The following CCDC195 variants were observed in gnomAD, a reference collection of about 807,000 sequenced individuals.
The protein encoded by CCDC195 is coiled-coil domain containing 195.
Position 224,713,547 on chromosome 2 carries a change from A to G in CCDC195, c.235+2584T>C, listed in dbSNP as rs533426877. The stretch of plus-strand genomic sequence containing the variant: ...CTTATTTTTACATGAGGATGCTAAG[A>G]TCAGAAAGTTTATGTGACCTGCCCA... On this transcript the variant is annotated intron_variant, in intron 1 of 2. Coordinates refer to ENST00000638102, the Ensembl canonical transcript of CCDC195. 2.0e-5 allele frequency among the ~76,000 whole-genome samples: 3 copies of G among 152,294 alleles called. No homozygotes were observed. In the East Asian group the frequency reaches 5.8e-4, roughly 29 times the overall value.
chr2:224,706,923 T>C (rs571611137), intron 2 of CCDC195, among the ~76,000 whole-genome samples: 15 of 152,094 alleles, frequency 9.9e-5, no homozygotes, highest in African/African-American at 3.4e-4. Context: ...ACGCGCACTT[T>C]TTTTTTTAAG....
At position 224,710,223 on chromosome 2, in the gene CCDC195, T is replaced by A; in HGVS notation, c.236-4A>T. ...CGTCTAACAATCATGACATTGCCTG[T>A]ACAAAAGACACAAAATCCAACTTAA... On this transcript the variant is annotated splice_polypyrimidine_tract_variant and splice_region_variant and intron_variant, in intron 1 of 2. Transcript: ENST00000638102. 2.5e-6 allele frequency: 1 copy of A among 398,532 alleles called. No individual in the cohort carries two copies. The highest frequency in any genetic ancestry group is 4.4e-6 in the Non-Finnish European group (1 of 225,998). 24.7% of individuals were successfully genotyped at this position (398,532 alleles called of 1,614,324 possible). A position where few individuals can be genotyped will look rare whatever the true frequency, so the allele number is the denominator to read the frequency against.
chr2:224,712,177 T>C (rs2124853017), intron 1 of CCDC195, among the ~76,000 whole-genome samples: 1 of 152,292 alleles, frequency 6.6e-6, no homozygotes, highest in Non-Finnish European at 1.5e-5. Context: ...CAGTTTCTTA[T>C]TAACAAAAAA....
At chr2:224,704,610 C>CTTTTTTTTT (rs55801561) in intron 2 of CCDC195, among the ~76,000 whole-genome samples, 176 of 110,616 alleles carry the variant, frequency 1.6e-3, no homozygotes, top group East Asian at 2.5e-3. Flanking sequence ...CTTTTCTTTT[C>CTTTTTTTTT]TTTTTTTTTT....
chr2:224,714,531 G>T (rs376334890), intron 1 of CCDC195, among the ~76,000 whole-genome samples: 2 of 152,300 alleles, frequency 1.3e-5, no homozygotes, highest in South Asian at 2.1e-4. Context: ...GGGGAAGTGT[G>T]AGTACTCCAG....
At chr2:224,714,522 G>C (rs1689358276) in intron 1 of CCDC195, among the ~76,000 whole-genome samples, 1 of 152,140 alleles carries the variant, frequency 6.6e-6, no homozygotes, top group Non-Finnish European at 1.5e-5. Flanking sequence ...TAACTGGAAG[G>C]GGAAGTGTGA....
Position 224,715,015 on chromosome 2 carries a change from G to A in CCDC195, c.235+1116C>T, listed in dbSNP as rs551604156. ...AAGATCTCAGCTCACTACAACCTCC[G>A]CCTCCCAGGTTCAAGTGATTCTCCT... On this transcript the variant is annotated intron_variant, in intron 1 of 2. Transcript: ENST00000638102. 5.9e-5 allele frequency among the ~76,000 whole-genome samples: 9 copies of A among 151,898 alleles called. No homozygotes were observed. In the East Asian group the frequency reaches 1.2e-3, roughly 20 times the overall value.
chr2:224,707,732 A>G (rs990584012), intron 2 of CCDC195, among the ~76,000 whole-genome samples: 1 of 152,234 alleles, frequency 6.6e-6, no homozygotes, highest in Non-Finnish European at 1.5e-5. Context: ...CCTGCCCAAC[A>G]TGCAGCACAC....
chr2:224,712,624 C>G (rs116638335), intron 1 of CCDC195, among the ~76,000 whole-genome samples: 11 of 152,138 alleles, frequency 7.2e-5, no homozygotes, highest in African/African-American at 2.4e-4. Context: ...AAGGAACACA[C>G]GGAGGAACTT....
chr2:224,705,703 T>TA (rs568773472), intron 2 of CCDC195, among the ~76,000 whole-genome samples: 3 of 151,930 alleles, frequency 2.0e-5, no homozygotes, highest in Non-Finnish European at 2.9e-5. Context: ...AGGACTACAA[T>TA]AAAAAAAATG....
intron 2 of CCDC195, among the ~76,000 whole-genome samples, chr2:224,706,827 T>C (rs1391041237): frequency 6.6e-6 from 1 of 151,988 alleles, no homozygotes; most frequent in Non-Finnish European, 1.5e-5. Context: ...GTAACTTTTT[T>C]TATGATAAAC....
chr2:224,714,851 A>T lies in CCDC195; in HGVS notation c.235+1280T>A, dbSNP rs1689361731. 2.6e-5 allele frequency among the ~76,000 whole-genome samples: 4 copies of T among 152,214 alleles called. No homozygotes were observed. In the South Asian group the frequency reaches 8.3e-4, roughly 31 times the overall value. ...GCTTTCAAATATAGGGTCTCATTAG[A>T]GAGACACATCTCTAACTGCGAGAAC... On this transcript the variant is annotated intron_variant, in intron 1 of 2. Transcript: ENST00000638102.
chr2:224,704,236 G>A (rs1259938625), intron 2 of CCDC195, among the ~76,000 whole-genome samples: 2 of 152,196 alleles, frequency 1.3e-5, no homozygotes, highest in Non-Finnish European at 2.9e-5. Context: ...ATGAAATGAA[G>A]CAGAAACTTG....
chr2:224,706,189 C>CTTTTTTTATTTTTTTTTT (rs1697238277), intron 2 of CCDC195, among the ~76,000 whole-genome samples: 1 of 33,340 alleles, frequency 3.0e-5, no homozygotes, highest in African/African-American at 1.6e-4. Context: ...TATTTTGTAA[C>CTTTTTTTATTTTTTTTTT]TTTTTTTTTT....
At chr2:224,707,835 C>T (rs1232518069) in intron 2 of CCDC195, among the ~76,000 whole-genome samples, 1 of 152,036 alleles carries the variant, frequency 6.6e-6, no homozygotes, top group African/African-American at 2.4e-5. Context: ...GACATTTGCC[C>T]CTGGGAGGAC....
intron 2 of CCDC195, among the ~76,000 whole-genome samples, chr2:224,708,091 G>T (rs984062839): frequency 2.7e-5 from 4 of 150,648 alleles, no homozygotes; most frequent in Non-Finnish European, 4.4e-5. Context: ...CTGGGCTCAA[G>T]GGATTTGCCC....
chr2:224,709,064 TCTTTCTTTTC>T (rs1465256513), intron 2 of CCDC195, among the ~76,000 whole-genome samples: 2 of 151,146 alleles, frequency 1.3e-5, no homozygotes, highest in African/African-American at 4.9e-5. Flanking sequence ...CTTTTTCTTT[TCTTTCTTTTC>T]CTTTCTTTTG....
chr2:224,711,751 A>T (rs1689321929), intron 1 of CCDC195, among the ~76,000 whole-genome samples: 1 of 152,184 alleles, frequency 6.6e-6, no homozygotes, highest in African/African-American at 2.4e-5. Flanking sequence ...TTCTGGAAAA[A>T]GCAGACAGAA....
chr2:224,711,530 T>C (rs1446013752), intron 1 of CCDC195, among the ~76,000 whole-genome samples: 2 of 152,160 alleles, frequency 1.3e-5, no homozygotes, highest in South Asian at 2.1e-4. Context: ...TCTACTTGCA[T>C]GTCCAGTGTT....
Sources: gnomAD v4.1 joint callset for allele counts (sites outside exome capture counted in the v4.1 genomes callset) on GRCh38, gnomAD v4.1.1 for gene constraint, MANE v1.5 for transcripts, NCBI Gene and HGNC (gene_info 2026-07-23, HGNC 2026-07-21) for gene names.